Variants in NSD2 observed in about 807,000 individuals in gnomAD.
NSD2 encodes nuclear receptor binding SET domain protein 2.
In NSD2, 12 loss-of-function variants were observed where a neutral mutation model predicts 139.0. That is an observed-to-expected ratio of 0.09 (90% CI 0.06 to 0.14). The LOEUF is 0.14. Among genes scored for constraint, NSD2 ranks in the 10% least tolerant of loss-of-function variants. The pLI is 1.00. For synonymous variants in NSD2, 669 were observed against 648.7 expected (o/e 1.03, Z -0.48); for missense variants, 1,155 against 1,745.0 (o/e 0.66, Z 6.02).
intron 1 of NSD2, among the ~76,000 whole-genome samples, chr4:1,891,897 A>C (rs563879434): frequency 1.3e-5 from 2 of 151,536 alleles, no homozygotes; most frequent in South Asian, 4.2e-4. Flanking sequence ...AAAAACGAAA[A>C]AACGAAAAAC....
rs1034590027 is a variant in NSD2, at chr4:1,946,829, C to G, written c.1882-4243C>G. ...GACATTCTTACAGCAGGGTGTCTCT[C>G]CAACAGCCCGACAGGCCTCATCTTT... On this transcript the variant is annotated intron_variant, in intron 9 of 21. Coordinates refer to ENST00000508803, the MANE Select transcript of NSD2 (RefSeq NM_001042424.3). 16 of 1,056,476 alleles carry G rather than the reference C, an allele frequency of 1.5e-5. No homozygotes were observed. In the African/African-American group the frequency reaches 2.3e-4, roughly 15 times the overall value. 65.4% of individuals were successfully genotyped at this position (1,056,476 alleles called of 1,614,324 possible). A position where few individuals can be genotyped will look rare whatever the true frequency, so the allele number is the denominator to read the frequency against.
At chr4:1,891,688 C>A (rs10008627) in intron 1 of NSD2, among the ~76,000 whole-genome samples, 1 of 151,596 alleles carries the variant, frequency 6.6e-6, no homozygotes, top group Non-Finnish European at 1.5e-5. Context: ...CCATCTCTAT[C>A]AAAAATACAA....
intron 1 of NSD2, among the ~76,000 whole-genome samples, chr4:1,897,846 C>T (rs1422442769): frequency 1.3e-5 from 2 of 152,106 alleles, no homozygotes; most frequent in African/African-American, 2.4e-5. Flanking sequence ...AGGCTGGCCT[C>T]GAACTCCAGA....
chr4:1,976,739 G>A lies in NSD2; in HGVS notation c.3826+60G>A, dbSNP rs370203522. 46 of 1,501,890 alleles carry A rather than the reference G, an allele frequency of 3.1e-5. No individual in the cohort carries two copies. The East Asian group carries it at 3.2e-4, about 10-fold the overall frequency. 93.0% of individuals were successfully genotyped at this position (1,501,890 alleles called of 1,614,324 possible). On this transcript the variant is annotated intron_variant, in intron 21 of 21. Transcript: ENST00000508803. This position sits in a 1 kb window ranked among gnomAD's most constrained non-coding sequence, Gnocchi z 5.3. The stretch of plus-strand genomic sequence containing the variant: ...GTCTGTGTGGCAGGCTCCTGATGGC[G>A]GCTGCTGCCGCTCTTCCTGCTGACC...
chr4:1,950,859 G>A (rs1724143348), intron 9 of NSD2, among the ~76,000 whole-genome samples: 1 of 152,084 alleles, frequency 6.6e-6, no homozygotes, highest in Non-Finnish European at 1.5e-5. Flanking sequence ...AATAAAGTCC[G>A]TTTTTGAATT....
In NSD2 at chr4:1,948,376, C is replaced by T; in HGVS notation, c.1882-2696C>T. 9.4e-7 allele frequency: 1 copy of T among 1,066,288 alleles called. No homozygotes were observed. The highest frequency in any genetic ancestry group is 1.1e-6 in the Non-Finnish European group (1 of 878,936). The allele number at this position is 1,066,288 out of a possible 1,614,324, so 66.1% of individuals were successfully genotyped here. A position where few individuals can be genotyped will look rare whatever the true frequency, so the allele number is the denominator to read the frequency against. On this transcript the variant is annotated intron_variant, in intron 9 of 21. Coordinates refer to ENST00000508803, the MANE Select transcript of NSD2 (RefSeq NM_001042424.3). The surrounding 1 kb of genome is among the most constrained non-coding windows in gnomAD (Gnocchi z 4.5). ...GACCGTACAGGTGAATGTGCCACCT[C>T]CACAAATGGCTTCTCCGAGTGAGTC...
Position 1,976,372 on chromosome 4 carries a change from G to T in NSD2, c.3622-103G>T. ...CCTCTCCTCTTAGTGTTGGGCACCT[G>T]CAGAGATCTCTGAAGTTCCTGGAGT... On this transcript the variant is annotated intron_variant, in intron 20 of 21. Coordinates refer to ENST00000508803, the MANE Select transcript of NSD2 (RefSeq NM_001042424.3). The surrounding 1 kb of genome is among the most constrained non-coding windows in gnomAD (Gnocchi z 5.3). The T allele has an allele frequency of 7.7e-7, 1 of 1,299,266 alleles. No homozygotes were observed. The highest frequency in any genetic ancestry group is 1.4e-5 in the South Asian group (1 of 71,576). 80.5% of individuals were successfully genotyped at this position (1,299,266 alleles called of 1,614,324 possible).
chr4:1,915,094 ATTTTTTCT>A lies in NSD2; in HGVS notation c.761-1768_761-1761del, dbSNP rs1209199323. ...CTTATCTTCCAAGCTTTCTTGTTGA[ATTTTTTCT>A]TTTTTTCTCTTTTTTTTTTTTTTTT... On this transcript the variant is annotated intron_variant, in intron 3 of 21. Transcript: ENST00000508803. Among the ~76,000 whole-genome samples the A allele has an allele frequency of 9.0e-5, 12 of 132,736 alleles. No homozygotes were observed. The South Asian group carries it at 2.2e-3, about 25-fold the overall frequency. The allele number at this position is 132,736 out of a possible 152,430, so 87.1% of individuals were successfully genotyped here.
chr4:1,910,626 A>G (rs1189842072), intron 3 of NSD2, among the ~76,000 whole-genome samples: 2 of 152,050 alleles, frequency 1.3e-5, no homozygotes, highest in Non-Finnish European at 2.9e-5. Context: ...TTTATATAGG[A>G]AAAAAAATGC....
chr4:1,965,458 A>G (rs1725790412), intron 18 of NSD2, among the ~76,000 whole-genome samples: 1 of 152,234 alleles, frequency 6.6e-6, no homozygotes, highest in African/African-American at 2.4e-5. Flanking sequence ...GACAACTTTG[A>G]AAAAATAATG....
chr4:1,951,445 CACACACACACA>C (rs1724228186), intron 10 of NSD2, among the ~76,000 whole-genome samples: 5,425 of 99,542 alleles, frequency 0.054, 1,204 homozygotes, highest in South Asian at 0.066. Flanking sequence ...TCATGTAATA[CACACACACACA>C]CACACACACA....
intron 5 of NSD2, among the ~76,000 whole-genome samples, chr4:1,919,777 C>CA (rs924352435): frequency 2.5e-4 from 37 of 150,856 alleles, no homozygotes; most frequent in African/African-American, 6.3e-4. Flanking sequence ...ACTAAAAATA[C>CA]AAAAAAAAAT....
In NSD2 at chr4:1,974,077, C is replaced by T. The variant is rs1726800211; in HGVS notation, c.3373-786C>T. ...CCGGCCCTGCAGCCACCCCTCATCT[C>T]AGCCAACGCCACATCAGCGCCATGG... On this transcript the variant is annotated intron_variant, in intron 18 of 21. Coordinates refer to ENST00000508803, the MANE Select transcript of NSD2 (RefSeq NM_001042424.3). The surrounding 1 kb of genome is among the most constrained non-coding windows in gnomAD (Gnocchi z 4.0). 2.6e-5 allele frequency among the ~76,000 whole-genome samples: 4 copies of T among 152,214 alleles called. No homozygotes were observed. The South Asian group carries it at 6.2e-4, about 24-fold the overall frequency.
In NSD2 at chr4:1,956,252, T is replaced by A; in HGVS notation, c.2881+64T>A. 1 of 1,413,462 alleles carries A rather than the reference T, an allele frequency of 7.1e-7. No individual in the cohort carries two copies. Among genetic ancestry groups the A allele is most frequent in the South Asian group, 1.5e-5 (1 of 67,438 alleles). The allele number at this position is 1,413,462 out of a possible 1,614,324, so 87.6% of individuals were successfully genotyped here. ...CGTGCATTTTCTTACCCCTAATTTC[T>A]ATTTTTTAAAATTTGATCTTTATAG... On this transcript the variant is annotated intron_variant, in intron 15 of 21. Transcript: ENST00000508803. The surrounding 1 kb of genome is among the most constrained non-coding windows in gnomAD (Gnocchi z 5.3).
intron 3 of NSD2, among the ~76,000 whole-genome samples, chr4:1,916,110 C>T (rs1719355632): frequency 6.6e-6 from 1 of 152,124 alleles, no homozygotes; most frequent in South Asian, 2.1e-4. Flanking sequence ...GAGCTGCTCT[C>T]TGAGGCCACT....
At chr4:1,937,598 A>G (rs183489860) in intron 7 of NSD2, among the ~76,000 whole-genome samples, 1 of 152,310 alleles carries the variant, frequency 6.6e-6, no homozygotes, top group African/African-American at 2.4e-5. Context: ...CAAACCACAT[A>G]TGACACCCAA....
At position 1,980,441 on chromosome 4, in the gene NSD2, A is replaced by C. The variant is rs985892444; in HGVS notation, c.*1532A>C. 4.3e-6 allele frequency: 1 copy of C among 232,938 alleles called. No homozygotes were observed. Among genetic ancestry groups the C allele is most frequent in the African/African-American group, 2.2e-5 (1 of 45,266 alleles). 14.4% of individuals were successfully genotyped at this position (232,938 alleles called of 1,614,324 possible). A position where few individuals can be genotyped will look rare whatever the true frequency, so the allele number is the denominator to read the frequency against. ...CTTTTCTTAAAATAACCTAAGGGGGACACATCCATCTTGCAGAGAAGTTTA... is the reference window on the plus strand; with the variant it reads ...CTTTTCTTAAAATAACCTAAGGGGGCCACATCCATCTTGCAGAGAAGTTTA... On this transcript the variant is annotated 3_prime_UTR_variant, in exon 22 of 22. Coordinates refer to ENST00000508803, the MANE Select transcript of NSD2 (RefSeq NM_001042424.3).
intron 18 of NSD2, among the ~76,000 whole-genome samples, chr4:1,967,163 A>T (rs1725973873): frequency 6.6e-6 from 1 of 152,246 alleles, no homozygotes; most frequent in Non-Finnish European, 1.5e-5. Flanking sequence ...ACTCCAGTAA[A>T]TTGGATAACT....
At chr4:1,906,070 A>G (rs1482660521) in intron 3 of NSD2, among the ~76,000 whole-genome samples, 1 of 151,994 alleles carries the variant, frequency 6.6e-6, no homozygotes, top group Non-Finnish European at 1.5e-5. Flanking sequence ...TGTGACTCCC[A>G]TGTCATTTGT....
Sources: allele counts gnomAD v4.1 joint callset (sites outside exome capture counted in the v4.1 genomes callset), GRCh38; gene constraint gnomAD v4.1.1; non-coding constraint Gnocchi (gnomAD v3.1); transcripts MANE v1.5; gene names NCBI Gene and HGNC (gene_info 2026-07-23, HGNC 2026-07-21).